The following PTPRS variants were observed in gnomAD, a reference collection of about 807,000 sequenced individuals.
The protein encoded by PTPRS is protein tyrosine phosphatase receptor type S, also known as receptor-type tyrosine-protein phosphatase S.
A neutral mutation model predicts 215.3 loss-of-function variants in PTPRS; 63 were observed. The ratio of observed to expected loss-of-function variants is 0.29; its 90% CI spans 0.24 to 0.36. PTPRS has a LOEUF of 0.36. PTPRS is among the 10% of genes least tolerant of loss of function. The probability of loss-of-function intolerance (pLI) is 1.00; values close to 1 mark genes in which losing one functional copy is unlikely to be tolerated. For synonymous variants in PTPRS, 1,404 were observed against 1,191.4 expected (o/e 1.18, Z -3.68); for missense variants, 2,258 against 2,825.8 (o/e 0.80, Z 4.56).
chr19:5,239,775 G>C (rs2043861577), intron 12 of PTPRS, among the ~76,000 whole-genome samples: 2 of 151,850 alleles, frequency 1.3e-5, no homozygotes, highest in African/African-American at 4.8e-5. Context: ...CAGAGGGATA[G>C]AAACACAGAG....
In PTPRS at chr19:5,239,444, A is replaced by G. The variant is rs536548543; in HGVS notation, c.1705-381T>C. 1.3e-4 allele frequency among the ~76,000 whole-genome samples: 19 copies of G among 151,910 alleles called. 3 individuals carry two copies. The highest frequency in any genetic ancestry group is 4.6e-4 in the Admixed American group (7 of 15,258). ...AAACAAAGGAGAGAGACAGACACAGAGACAGAGATAAATGGGAGAGACAGA... is the reference window on the plus strand; with the variant it reads ...AAACAAAGGAGAGAGACAGACACAGGGACAGAGATAAATGGGAGAGACAGA... On this transcript the variant is annotated intron_variant, in intron 12 of 37. Transcript: ENST00000262963.
At chr19:5,285,488 C>T (rs1055732882) in intron 2 of PTPRS, among the ~76,000 whole-genome samples, 7 of 152,202 alleles carry the variant, frequency 4.6e-5, no homozygotes, top group Admixed American at 2.0e-4. Context: ...GCTTTTCTAT[C>T]GGCGAACTCC....
intron 1 of PTPRS, among the ~76,000 whole-genome samples, chr19:5,313,055 C>T (rs2049759337): frequency 6.6e-6 from 1 of 152,216 alleles, no homozygotes; most frequent in African/African-American, 2.4e-5. Flanking sequence ...GCTGGAATAA[C>T]AGGCGCACGC....
intron 4 of PTPRS, among the ~76,000 whole-genome samples, chr19:5,266,006 T>C (rs2046372166): frequency 6.6e-6 from 1 of 152,104 alleles, no homozygotes; most frequent in African/African-American, 2.4e-5. Context: ...ATGCCTGTAA[T>C]CCCAGCACTT....
intron 13 of PTPRS, among the ~76,000 whole-genome samples, chr19:5,234,556 C>A (rs189338565): frequency 2.0e-5 from 3 of 152,192 alleles, no homozygotes; most frequent in African/African-American, 4.8e-5. Context: ...GGACTGGGTA[C>A]GGTAACAGGT....
At chr19:5,277,594 T>C in intron 2 of PTPRS, 3 of 316,792 alleles carry the variant, frequency 9.5e-6, no homozygotes, top group South Asian at 6.1e-5. Flanking sequence ...AGGCGAAGCT[T>C]GCAGTGAGCC....
chr19:5,309,096 G>A (rs944227671), intron 1 of PTPRS, among the ~76,000 whole-genome samples: 19 of 152,160 alleles, frequency 1.2e-4, no homozygotes, highest in African/African-American at 4.3e-4. Flanking sequence ...ACTGAGGGGA[G>A]CCTGGAAACC....
intron 2 of PTPRS, chr19:5,278,138 A>G (rs1202890566): frequency 9.9e-6 from 4 of 404,290 alleles, no homozygotes; most frequent in South Asian, 5.2e-5. Flanking sequence ...AAATGAGTAG[A>G]CGGCTCGTGT....
At chr19:5,238,875 C>A in intron 13 of PTPRS, 44 bp downstream of exon 13, 1 of 1,534,416 alleles carries the variant, frequency 6.5e-7, no homozygotes. Context: ...GCGGTCAGGC[C>A]GTGGTCCCTC....
Position 5,220,344 on chromosome 19 carries a change from G to C in PTPRS, c.3465C>G (p.Phe1155Leu). 6.2e-7 allele frequency: 1 copy of C among 1,613,576 alleles called. No individual in the cohort carries two copies. The highest frequency in any genetic ancestry group is 8.5e-7 in the Non-Finnish European group (1 of 1,179,758). The change falls in exon 21 of 38, where the codon TTC becomes TTG. Residue 1155 changes from phenylalanine to leucine, a missense_variant. Around this residue, in one of 6 missense-constraint regions of PTPRS, gnomAD observed 927 missense variants for 1,125.9 expected, o/e 0.82. Coordinates refer to ENST00000262963, the MANE Select transcript of PTPRS (RefSeq NM_002850.4). ...GQSPVPVQSY[F>L]IVMVPLRKSR... is the part of the protein sequence containing the mutation. Reference sequence around the variant, plus strand: ...ACTTGCGCAGTGGCACCATCACAATGAAATAGCTCCTGTAGGGAGATGGGA... The same window carrying C: ...ACTTGCGCAGTGGCACCATCACAATCAAATAGCTCCTGTAGGGAGATGGGA...
In PTPRS at chr19:5,283,569, T is replaced by A. The variant is rs550099199; in HGVS notation, c.91+2481A>T. Among the ~76,000 whole-genome samples, 48 of 150,428 alleles carry A rather than the reference T, an allele frequency of 3.2e-4. 1 individual carries two copies. Among genetic ancestry groups the A allele is most frequent in the African/African-American group, 1.1e-3 (44 of 41,112 alleles). ...TCCAGCCCAGGAGACAGAAGGAGAC[T>A]CCGTCTCAAAAAAAAAACAAAAGAA... On this transcript the variant is annotated intron_variant, in intron 2 of 37. Transcript: ENST00000262963.
intron 13 of PTPRS, among the ~76,000 whole-genome samples, chr19:5,235,051 C>T (rs1436431528): frequency 6.6e-6 from 1 of 151,846 alleles, no homozygotes; most frequent in Non-Finnish European, 1.5e-5. Context: ...CGCCATTCTC[C>T]TGTCTCAGCC....
Position 5,222,148 on chromosome 19 carries a change from T to C in PTPRS, c.3176A>G (p.Asn1059Ser). 1 of 1,613,846 alleles carries C rather than the reference T, an allele frequency of 6.2e-7. No homozygotes were observed. The highest frequency in any genetic ancestry group is 8.5e-7 in the Non-Finnish European group (1 of 1,179,904). ...CTTGTAGGGTGTGGGTGAGTTGTAG[T>C]TGTCAGGGAACTCCCAGCTGAGCAG... ...SVLLSWEFPD[N>S]YNSPTPYKIQ... Residue 1059 changes from asparagine to serine, a missense_variant, in exon 19 of 38, where the codon AAC becomes AGC. Transcript: ENST00000262963.
At chr19:5,214,339 C>A (rs1381577106) in intron 30 of PTPRS, 22 bp downstream of exon 30, 2 of 1,613,932 alleles carry the variant, frequency 1.2e-6, no homozygotes, top group Non-Finnish European at 1.7e-6. Context: ...CCCTCAGCCC[C>A]CAGCCCCAGC....
At chr19:5,280,787 C>CT (rs145181333) in intron 2 of PTPRS, among the ~76,000 whole-genome samples, 50,394 of 143,820 alleles carry the variant, frequency 0.35, 8,660 homozygotes, top group African/African-American at 0.41. Flanking sequence ...CCTCCCTTAA[C>CT]TTTTTTTTTT....
At position 5,237,422 on chromosome 19, in the gene PTPRS, G is replaced by A. The variant is rs2043557628; in HGVS notation, c.1849+1497C>T. ...CCTGGGCCGCCCCGGAGGTTCGCGT[G>A]GCTGGGCCGAAGCCGCTTTCTAGGT... On this transcript the variant is annotated intron_variant, in intron 13 of 37. Transcript: ENST00000262963. This position sits in a 1 kb window ranked among gnomAD's most constrained non-coding sequence, Gnocchi z 4.2. Among the ~76,000 whole-genome samples the A allele has an allele frequency of 6.6e-6, 1 of 152,244 alleles. No homozygotes were observed. The highest frequency in any genetic ancestry group is 6.5e-5 in the Admixed American group (1 of 15,294).
Position 5,296,273 on chromosome 19 carries a change from G to C in PTPRS, c.-94-10039C>G, listed in dbSNP as rs1368744688. Among the ~76,000 whole-genome samples the C allele has an allele frequency of 2.0e-5, 3 of 152,296 alleles. No homozygotes were observed. In the South Asian group the frequency reaches 6.2e-4, roughly 32 times the overall value. ...TGGGTTCAGGGTTGTAGGATGAGGA[G>C]GGAGGATCGCCTGAGGCCAGGAGTT... On this transcript the variant is annotated intron_variant, in intron 1 of 37. Coordinates refer to ENST00000262963, the MANE Select transcript of PTPRS (RefSeq NM_002850.4).
chr19:5,206,925 A>C, intron 37 of PTPRS, 83 bp from the exon 38 acceptor site: 1 of 1,264,198 alleles, frequency 7.9e-7, no homozygotes, highest in South Asian at 1.2e-5. Context: ...GAGCAGGCCA[A>C]GCTCCTCAGC....
At chr19:5,271,067 G>C (rs2046867013) in intron 4 of PTPRS, among the ~76,000 whole-genome samples, 2 of 152,178 alleles carry the variant, frequency 1.3e-5, no homozygotes, top group African/African-American at 4.8e-5. Flanking sequence ...GCTCCAAGCT[G>C]GTCACAGCTG....
Sources: allele counts gnomAD v4.1 joint callset (sites outside exome capture counted in the v4.1 genomes callset), GRCh38; gene constraint gnomAD v4.1.1; regional missense constraint gnomAD v4.1.1; non-coding constraint Gnocchi (gnomAD v3.1); transcripts MANE v1.5; gene names NCBI Gene and HGNC (gene_info 2026-07-23, HGNC 2026-07-21).